The following CSMD1 variants were observed in gnomAD, a reference collection of about 807,000 sequenced individuals.
CSMD1 encodes the protein CUB and Sushi multiple domains 1, also known as CUB and sushi domain-containing protein 1.
CSMD1 carries 213 observed loss-of-function variants against 417.5 expected under a neutral mutation model. The observed-to-expected ratio is 0.51, with a 90% CI of 0.46 to 0.57. The LOEUF is 0.57. Ranked by LOEUF, CSMD1 falls within the 20% of genes least tolerant of loss-of-function variation. The probability of loss-of-function intolerance (pLI) is 0.00; values close to 1 mark genes in which losing one functional copy is unlikely to be tolerated. For synonymous variants in CSMD1, 2,862 were observed against 1,736.8 expected, an observed-to-expected ratio of 1.65 and a Z score of -16.11; for missense variants, 6,923 against 4,529.7, an observed-to-expected ratio of 1.53 and a Z score of -15.17.
At position 3,492,561 on chromosome 8, in the gene CSMD1, C is replaced by G. The variant is rs148531393; in HGVS notation, c.1448+1062G>C. ...AGATAAGAGCAGGTATTTCCTTTCTCTTAAAAACAGAGAGGAAGTACACCC... is the reference window on the plus strand; with the variant it reads ...AGATAAGAGCAGGTATTTCCTTTCTGTTAAAAACAGAGAGGAAGTACACCC... On this transcript the variant is annotated intron_variant, in intron 11 of 69. Coordinates refer to ENST00000635120, the MANE Select transcript of CSMD1 (RefSeq NM_033225.6). 6.8e-3 allele frequency among the ~76,000 whole-genome samples: 1,027 copies of G among 152,024 alleles called. 13 individuals are homozygous for G. The highest frequency in any genetic ancestry group is 0.024 in the African/African-American group (988 of 41,438).
At chr8:4,256,147 G>A (rs535627487) in intron 3 of CSMD1, among the ~76,000 whole-genome samples, 12 of 152,296 alleles carry the variant, frequency 7.9e-5, no homozygotes, top group African/African-American at 2.6e-4. Flanking sequence ...TAATCACTAT[G>A]TAGCCTGCCA....
At chr8:4,927,322 T>C (rs1806938038) in intron 1 of CSMD1, among the ~76,000 whole-genome samples, 1 of 152,046 alleles carries the variant, frequency 6.6e-6, no homozygotes, top group African/African-American at 2.4e-5. Context: ...CTTCCCAAAG[T>C]GGTAGGATTA....
At chr8:3,249,492 G>A (rs967741062) in intron 26 of CSMD1, among the ~76,000 whole-genome samples, 5 of 152,130 alleles carry the variant, frequency 3.3e-5, no homozygotes, top group African/African-American at 1.2e-4. Context: ...CCAAAATGCT[G>A]GGATTACAGA....
intron 2 of CSMD1, among the ~76,000 whole-genome samples, chr8:4,451,608 T>A (rs1055605553): frequency 3.3e-5 from 5 of 152,134 alleles, no homozygotes; most frequent in African/African-American, 1.2e-4. Flanking sequence ...ATTTTAGAGG[T>A]TATATTCAAG....
intron 7 of CSMD1, among the ~76,000 whole-genome samples, chr8:3,640,865 A>G (rs1304725821): frequency 6.6e-6 from 1 of 151,492 alleles, no homozygotes; most frequent in Non-Finnish European, 1.5e-5. Context: ...TTTTTTTTTT[A>G]TTGTTAATGA....
chr8:4,702,741 C>T (rs1411667654), intron 1 of CSMD1, among the ~76,000 whole-genome samples: 1 of 152,010 alleles, frequency 6.6e-6, no homozygotes, highest in African/African-American at 2.4e-5. Flanking sequence ...CTTGTCTATT[C>T]TGTGGAAGGA....
At chr8:4,126,779 G>A (rs574710121) in intron 3 of CSMD1, among the ~76,000 whole-genome samples, 2 of 152,140 alleles carry the variant, frequency 1.3e-5, no homozygotes, top group Admixed American at 6.5e-5. Flanking sequence ...CATAGAAACA[G>A]GCAACACTTC....
At chr8:4,197,365 G>A (rs986184702) in intron 3 of CSMD1, among the ~76,000 whole-genome samples, 1 of 152,160 alleles carries the variant, frequency 6.6e-6, no homozygotes, top group South Asian at 2.1e-4. Flanking sequence ...ACATTATTGT[G>A]GGTGTGTCTG....
Position 3,118,541 on chromosome 8 carries a change from C to T in CSMD1, c.6288G>A (p.Gly2096=), listed in dbSNP as rs372193586. The T allele has an allele frequency of 1.9e-6, 3 of 1,613,754 alleles. No homozygotes were observed. The African/African-American group carries it at 4.0e-5, about 22-fold the overall frequency. Residue 2096 remains glycine (G), a synonymous_variant, in exon 42 of 70, where the codon GGG becomes GGA. Transcript: ENST00000635120. ...NCPDPPPFQN[G]YMINSDYSVG... The stretch of plus-strand genomic sequence containing the variant: ...CGCTGTAATCCGAGTTGATCATGTA[C>T]CCATTCTGAAATGGGGGTGGATCTG...
intron 1 of CSMD1, among the ~76,000 whole-genome samples, chr8:4,743,990 T>C (rs987197244): frequency 1.3e-5 from 2 of 152,178 alleles, no homozygotes; most frequent in Non-Finnish European, 2.9e-5. Context: ...AACAAACGTG[T>C]GTTAAAGTCA....
At chr8:3,156,422 AG>A (rs1819535204) in intron 39 of CSMD1, among the ~76,000 whole-genome samples, 1 of 152,170 alleles carries the variant, frequency 6.6e-6, no homozygotes, top group African/African-American at 2.4e-5. Context: ...TACAGAGGTG[AG>A]TATTGCAAGT....
At chr8:4,006,646 C>T (rs1357240578) in intron 4 of CSMD1, among the ~76,000 whole-genome samples, 1 of 152,150 alleles carries the variant, frequency 6.6e-6, no homozygotes, top group African/African-American at 2.4e-5. Flanking sequence ...AGAGAGGGAA[C>T]AGCACTTGTT....
chr8:3,404,168 T>C (rs139292498), intron 15 of CSMD1, among the ~76,000 whole-genome samples: 20 of 152,156 alleles, frequency 1.3e-4, no homozygotes, highest in African/African-American at 4.6e-4. Context: ...ACGTCCCCTC[T>C]ACTAAAAATA....
Position 3,472,829 on chromosome 8 carries a change from TAA to T in CSMD1, c.1449-4007_1449-4006del, listed in dbSNP as rs1487157207. Among the ~76,000 whole-genome samples the T allele has an allele frequency of 2.4e-4, 36 of 151,334 alleles. No homozygotes were observed. In the South Asian group the frequency reaches 7.4e-3, roughly 31 times the overall value. On this transcript the variant is annotated intron_variant, in intron 11 of 69. Transcript: ENST00000635120. ...GAAATACCTGCCTCTTAAAATCTCC[TAA>T]GTTTTTTTTTTATTCTTTTCATGTC... is the stretch of plus-strand genomic sequence containing the variant.
At chr8:3,607,676 G>C (rs1013459458) in intron 8 of CSMD1, among the ~76,000 whole-genome samples, 2 of 152,156 alleles carry the variant, frequency 1.3e-5, no homozygotes, top group African/African-American at 4.8e-5. Context: ...TGTATGACTG[G>C]ATATTCTATT....
At chr8:3,552,420 T>C (rs949263456) in intron 10 of CSMD1, among the ~76,000 whole-genome samples, 4 of 152,148 alleles carry the variant, frequency 2.6e-5, no homozygotes, top group Admixed American at 6.5e-5. Context: ...TCATAACAAT[T>C]TGTGTATTTT....
intron 3 of CSMD1, among the ~76,000 whole-genome samples, chr8:4,223,363 G>C (rs527275039): frequency 6.6e-6 from 1 of 152,266 alleles, no homozygotes; most frequent in Admixed American, 6.5e-5. Flanking sequence ...CCTACCTGTA[G>C]TCCATCCATC....
intron 69 of CSMD1, among the ~76,000 whole-genome samples, chr8:2,941,384 A>G (rs1801863178): frequency 1.3e-5 from 2 of 152,240 alleles, no homozygotes; most frequent in South Asian, 4.1e-4. Flanking sequence ...TAAGTGAAAT[A>G]TCTGTATTAT....
intron 3 of CSMD1, among the ~76,000 whole-genome samples, chr8:4,127,537 G>A (rs776890282): frequency 6.7e-6 from 1 of 150,044 alleles, no homozygotes; most frequent in Non-Finnish European, 1.5e-5. Flanking sequence ...AAACCCTTTG[G>A]TTTTCCTAGT....
Sources: gnomAD v4.1 joint callset for allele counts (sites outside exome capture counted in the v4.1 genomes callset) on GRCh38, gnomAD v4.1.1 for gene constraint, MANE v1.5 for transcripts, NCBI Gene and HGNC (gene_info 2026-07-23, HGNC 2026-07-21) for gene names.